Variants in HBP1 observed in about 807,000 individuals in gnomAD.
HBP1 encodes the protein HMG-box transcription factor 1.
A neutral mutation model predicts 62.6 loss-of-function variants in HBP1; 20 were observed. That is an observed-to-expected ratio of 0.32 (90% CI 0.22 to 0.46). HBP1 has a LOEUF of 0.46. Among genes scored for constraint, HBP1 ranks in the 20% least tolerant of loss-of-function variants. The pLI is 1.00. For missense variants in HBP1, 480 were observed against 611.8 expected, an observed-to-expected ratio of 0.78 and a Z score of 2.27; for synonymous variants, 232 against 206.2, an observed-to-expected ratio of 1.12 and a Z score of -1.07.
intron 9 of HBP1, 74 bp from the exon 10 acceptor site, chr7:107,200,086 T>C: frequency 1.6e-6 from 2 of 1,219,588 alleles, no homozygotes; most frequent in Non-Finnish European, 2.2e-6. Context: ...ATTTTTCTCC[T>C]GAAGTAGCAG....
intron 2 of HBP1, 123 bp downstream of exon 2, chr7:107,180,185 A>G: frequency 1.9e-6 from 1 of 526,036 alleles, no homozygotes; most frequent in Non-Finnish European, 3.4e-6. Context: ...TATATTAGGA[A>G]TTTTCAGCAT....
At chr7:107,183,317 T>C (rs1797198053) in intron 3 of HBP1, among the ~76,000 whole-genome samples, 1 of 152,214 alleles carries the variant, frequency 6.6e-6, no homozygotes, top group Non-Finnish European at 1.5e-5. Context: ...TACTAGGTAA[T>C]GTAGGAATAA....
intron 1 of HBP1, among the ~76,000 whole-genome samples, chr7:107,178,778 A>G (rs1318868308): frequency 1.3e-5 from 2 of 152,242 alleles, no homozygotes; most frequent in African/African-American, 2.4e-5. Flanking sequence ...CATGCCTGTA[A>G]TCCCAGCACT....
chr7:107,201,538 ATAAGATACTGATAG>A lies in HBP1; in HGVS notation c.*108_*121del. ...CCATTTGTCCTCAATTCGTGTGACC[ATAAGATACTGATAG>A]CATTGAGTCTTGAAATGATTTAATA... On this transcript the variant is annotated 3_prime_UTR_variant, in exon 11 of 11. Coordinates refer to ENST00000222574, the MANE Select transcript of HBP1 (RefSeq NM_012257.4). 1.6e-6 allele frequency: 1 copy of A among 628,202 alleles called. No homozygotes were observed. The highest frequency in any genetic ancestry group is 2.9e-6 in the Non-Finnish European group (1 of 345,204). 38.9% of individuals were successfully genotyped at this position (628,202 alleles called of 1,614,324 possible). A position where few individuals can be genotyped will look rare whatever the true frequency, so the allele number is the denominator to read the frequency against.
intron 1 of HBP1, among the ~76,000 whole-genome samples, chr7:107,171,063 A>ATTTTT (rs1184704903): frequency 4.6e-5 from 3 of 65,916 alleles, no homozygotes; most frequent in Admixed American, 1.8e-4. Context: ...ATATATATAT[A>ATTTTT]TATATATATA....
chr7:107,199,228 G>A lies in HBP1; in HGVS notation c.1386-932G>A, dbSNP rs115812390. 2.7e-3 allele frequency among the ~76,000 whole-genome samples: 405 copies of A among 152,212 alleles called. 3 individuals are homozygous for A. Among genetic ancestry groups the A allele is most frequent in the African/African-American group, 9.2e-3 (381 of 41,522 alleles). ...AGCCTCCCCAGTAGCTGTGATTACA[G>A]GCGTGTGCCATCACACCTGGCAAAT... is the stretch of plus-strand genomic sequence containing the variant. On this transcript the variant is annotated intron_variant, in intron 9 of 10. Coordinates refer to ENST00000222574, the MANE Select transcript of HBP1 (RefSeq NM_012257.4).
intron 1 of HBP1, among the ~76,000 whole-genome samples, chr7:107,171,860 CAAAA>C (rs367641713): frequency 1.6e-5 from 1 of 63,922 alleles, no homozygotes. Flanking sequence ...ACTTCCTCTC[CAAAA>C]AAAAAAAAAA....
chr7:107,196,639 C>T (rs1264118788), intron 9 of HBP1: 1 of 217,090 alleles, frequency 4.6e-6, no homozygotes, highest in African/African-American at 2.4e-5. Context: ...AATACATAGA[C>T]AATTAGGTTA....
intron 8 of HBP1, 107 bp from the exon 9 acceptor site, chr7:107,195,727 T>A (rs1490403112): frequency 1.8e-6 from 1 of 557,654 alleles, no homozygotes; most frequent in African/African-American, 1.9e-5. Flanking sequence ...GGAAATGCAC[T>A]GAAATTTCCA....
chr7:107,175,220 T>C (rs1309793886), intron 1 of HBP1, among the ~76,000 whole-genome samples: 1 of 152,058 alleles, frequency 6.6e-6, no homozygotes, highest in African/African-American at 2.4e-5. Context: ...AAAAAAATCA[T>C]CAGTGGTTCT....
intron 3 of HBP1, among the ~76,000 whole-genome samples, chr7:107,185,014 A>G (rs1048794426): frequency 4.2e-4 from 64 of 151,916 alleles, no homozygotes; most frequent in African/African-American, 1.4e-3. Context: ...ATCATCCTCT[A>G]TAGGCTTGTT....
intron 1 of HBP1, among the ~76,000 whole-genome samples, chr7:107,173,258 AC>A (rs1796688113): frequency 6.6e-6 from 1 of 152,202 alleles, no homozygotes; most frequent in East Asian, 1.9e-4. Flanking sequence ...CCTTTTCTTC[AC>A]CTACTCTTTG....
intron 1 of HBP1, among the ~76,000 whole-genome samples, chr7:107,176,095 G>A (rs1315947309): frequency 6.7e-6 from 1 of 148,534 alleles, no homozygotes; most frequent in Non-Finnish European, 1.5e-5. Context: ...GTGCGATCTC[G>A]GCTCACTGCA....
intron 9 of HBP1, among the ~76,000 whole-genome samples, chr7:107,198,499 C>T (rs1217097403): frequency 3.3e-5 from 5 of 152,100 alleles, no homozygotes; most frequent in Admixed American, 6.5e-5. Context: ...TGTGAGCCAC[C>T]GTGCCCAGCC....
chr7:107,169,449 C>A (rs1411203709), intron 1 of HBP1, among the ~76,000 whole-genome samples: 3 of 138,226 alleles, frequency 2.2e-5, no homozygotes, highest in African/African-American at 5.3e-5. Flanking sequence ...GGGCGAAGTT[C>A]CGGGCCAGGT....
At chr7:107,178,194 A>AGGGG (rs575069103) in intron 1 of HBP1, among the ~76,000 whole-genome samples, 1 of 151,930 alleles carries the variant, frequency 6.6e-6, no homozygotes, top group African/African-American at 2.4e-5. Flanking sequence ...TTTCTTTAAG[A>AGGGG]GGGGGGGTCT....
At chr7:107,189,547 G>A in intron 7 of HBP1, 99 bp downstream of exon 7, 4 of 854,132 alleles carry the variant, frequency 4.7e-6, no homozygotes, top group East Asian at 2.6e-5. Flanking sequence ...AAATTTGAGG[G>A]GAAAACGTCT....
At chr7:107,190,437 G>C in intron 8 of HBP1, 120 bp downstream of exon 8, 1 of 627,044 alleles carries the variant, frequency 1.6e-6, no homozygotes, top group Non-Finnish European at 2.7e-6. Flanking sequence ...AATTATAAAA[G>C]AATTATTAAG....
chr7:107,171,874 AAAAAG>A (rs1220020058), intron 1 of HBP1, among the ~76,000 whole-genome samples: 3 of 151,954 alleles, frequency 2.0e-5, no homozygotes, highest in South Asian at 2.1e-4. Context: ...AAAAAAAAAA[AAAAAG>A]AGTCAATGCC....
Sources: allele counts gnomAD v4.1 joint callset (sites outside exome capture counted in the v4.1 genomes callset), GRCh38; gene constraint gnomAD v4.1.1; transcripts MANE v1.5; gene names NCBI Gene and HGNC (gene_info 2026-07-23, HGNC 2026-07-21).